TACC2: variants seen among roughly 807,000 people sequenced by gnomAD.
TACC2 encodes transforming acidic coiled-coil containing protein 2, also known as transforming acidic coiled-coil-containing protein 2.
In TACC2, 137 loss-of-function variants were observed where a neutral mutation model predicts 227.3. The observed-to-expected ratio is 0.60, with a 90% CI of 0.52 to 0.69. The LOEUF is 0.69. TACC2 is among the 30% of genes least tolerant of loss of function. The pLI is 0.00. For missense variants in TACC2, 3,470 were observed against 3,694.4 expected (o/e 0.94, Z 1.57); for synonymous variants, 1,523 against 1,487.5 (o/e 1.02, Z -0.55).
intron 5 of TACC2, among the ~76,000 whole-genome samples, chr10:122,120,041 C>T (rs997020105): frequency 1.3e-5 from 2 of 152,178 alleles, no homozygotes; most frequent in African/African-American, 4.8e-5. Context: ...TCCTTGGGCT[C>T]ATTAATCCCA....
chr10:122,242,835 C>T (rs1358263765), intron 19 of TACC2, among the ~76,000 whole-genome samples: 4 of 152,016 alleles, frequency 2.6e-5, no homozygotes, highest in Admixed American at 2.6e-4. Flanking sequence ...GGTCTTGCTA[C>T]GTTGCCCAGG....
intron 9 of TACC2, chr10:122,213,501 C>T: frequency 1.0e-6 from 1 of 972,596 alleles, no homozygotes; most frequent in Non-Finnish European, 1.6e-6. Flanking sequence ...TGTGGTGGGC[C>T]TGCGAATGAT....
intron 7 of TACC2, among the ~76,000 whole-genome samples, chr10:122,175,274 C>T (rs973774393): frequency 9.2e-5 from 14 of 152,130 alleles, no homozygotes; most frequent in African/African-American, 3.4e-4. Context: ...ATTTTAAATA[C>T]AGCATAATTC....
At chr10:122,025,319 G>A (rs948909136) in intron 2 of TACC2, among the ~76,000 whole-genome samples, 2 of 152,118 alleles carry the variant, frequency 1.3e-5, no homozygotes, top group Non-Finnish European at 2.9e-5. Flanking sequence ...GGAGTGCAAT[G>A]ACATGATCTT....
rs2079754561 is a variant in TACC2, at chr10:122,083,340, T to C, written c.840T>C (p.Asp280=). ...PLKPMAPIPQ[D]PAPRASDRER... is the part of the protein sequence containing the mutation. The stretch of plus-strand genomic sequence containing the variant: ...AACCCATGGCCCCGATCCCACAAGA[T>C]CCAGCCCCAAGAGCCTCAGACAGAG... Residue 280 remains aspartate (D), a synonymous_variant, in exon 4 of 23, where the codon GAT becomes GAC. Transcript: ENST00000369005. 6.2e-7 allele frequency: 1 copy of C among 1,613,810 alleles called. No individual in the cohort carries two copies. Among genetic ancestry groups the C allele is most frequent in the Non-Finnish European group, 8.5e-7 (1 of 1,180,002 alleles).
chr10:122,135,172 G>A (rs924033532), intron 6 of TACC2, among the ~76,000 whole-genome samples: 10 of 152,190 alleles, frequency 6.6e-5, no homozygotes, highest in African/African-American at 1.9e-4. Flanking sequence ...CAGCAGCTCT[G>A]GCCCGGCTGC....
chr10:122,053,576 A>G (rs924236943), intron 3 of TACC2, among the ~76,000 whole-genome samples: 11 of 151,986 alleles, frequency 7.2e-5, no homozygotes, highest in Non-Finnish European at 1.2e-4. Context: ...CCTCAGGCTG[A>G]GGGACTGTGC....
At chr10:122,189,828 G>A (rs1490435294) in intron 7 of TACC2, among the ~76,000 whole-genome samples, 2 of 152,220 alleles carry the variant, frequency 1.3e-5, no homozygotes, top group African/African-American at 4.8e-5. Context: ...GGTAGGCCTG[G>A]TTCTATGGAA....
In TACC2 at chr10:122,082,902, G is replaced by T. The variant is rs747863916; in HGVS notation, c.402G>T (p.Gln134His). ...CAGCGGCACCTGAAGATGGTCCTCA[G>T]ACTCAGTCTCCCAGGAGGGAACCTG... ...SPAAAPEDGP[Q>H]TQSPRREPAP... Residue 134 changes from glutamine (Q) to histidine (H), a missense_variant, in exon 4 of 23, where the codon CAG (glutamine) becomes CAT (histidine). Physicochemically the swap from Gln to His is conservative, Grantham distance 24 (BLOSUM62 0). Transcript: ENST00000369005. 3 of 1,613,170 alleles carry T rather than the reference G, an allele frequency of 1.9e-6. No homozygotes were observed. Among genetic ancestry groups the T allele is most frequent in the Middle Eastern group, 1.6e-4 (1 of 6,084 alleles).
intron 8 of TACC2, among the ~76,000 whole-genome samples, chr10:122,201,312 GC>G (rs759402965): frequency 2.7e-5 from 4 of 148,050 alleles, no homozygotes; most frequent in Non-Finnish European, 4.5e-5. Context: ...CACCTCACCT[GC>G]CCACAGTGGC....
At chr10:122,093,500 T>A (rs1444576364) in intron 5 of TACC2, among the ~76,000 whole-genome samples, 1 of 152,238 alleles carries the variant, frequency 6.6e-6, no homozygotes, top group Non-Finnish European at 1.5e-5. Context: ...GAAGCATGGT[T>A]CTCTTAGCAG....
At chr10:122,017,818 C>CAAAAAAAAAAA (rs5788525) in intron 1 of TACC2, among the ~76,000 whole-genome samples, 3 of 74,946 alleles carry the variant, frequency 4.0e-5, no homozygotes, top group African/African-American at 5.0e-5. Context: ...GAAACTGTCT[C>CAAAAAAAAAAA]AAAAAAAAAA....
At chr10:122,166,550 G>C (rs903786784) in intron 7 of TACC2, among the ~76,000 whole-genome samples, 3 of 152,162 alleles carry the variant, frequency 2.0e-5, no homozygotes, top group African/African-American at 7.2e-5. Context: ...GCTACTCCCA[G>C]GGTCGGCCAC....
At chr10:122,032,972 A>AC (rs1554970179) in intron 2 of TACC2, 1 of 460,902 alleles carries the variant, frequency 2.2e-6, no homozygotes, top group Non-Finnish European at 3.8e-6. Flanking sequence ...CAAAACAACA[A>AC]AACAACAACA....
intron 2 of TACC2, among the ~76,000 whole-genome samples, chr10:122,039,169 T>G (rs2073949971): frequency 6.6e-6 from 1 of 152,028 alleles, no homozygotes; most frequent in African/African-American, 2.4e-5. Flanking sequence ...AGAGATGGGG[T>G]TTCACCATGT....
intron 7 of TACC2, chr10:122,163,506 C>T (rs1171444958): frequency 2.1e-6 from 2 of 946,556 alleles, no homozygotes; most frequent in African/African-American, 1.8e-5. Flanking sequence ...GTTTCCGGAG[C>T]CCGCGATGGA....
rs546027862 is a variant in TACC2 at position 122,207,693 on chromosome 10, A to G, written c.5972-2704A>G. Among the ~76,000 whole-genome samples the G allele has an allele frequency of 2.0e-5, 3 of 152,348 alleles. 1 individual carries two copies. The highest frequency in any genetic ancestry group is 4.1e-4 in the South Asian group (2 of 4,828). On this transcript the variant is annotated intron_variant, in intron 8 of 22. Transcript: ENST00000369005. Reference sequence around the variant, plus strand: ...GAGCTAATGAGAGCATGTCAGTTCTAAAGAGGAAAGCCATGCTAAGCAGGC... The same window carrying G: ...GAGCTAATGAGAGCATGTCAGTTCTGAAGAGGAAAGCCATGCTAAGCAGGC...
At chr10:122,192,552 C>T in intron 7 of TACC2, 1 of 391,186 alleles carries the variant, frequency 2.6e-6, no homozygotes, top group Non-Finnish European at 5.3e-6. Flanking sequence ...TGGAGAAGCT[C>T]ACAGCATCTG....
chr10:122,131,909 C>T (rs975796831), intron 5 of TACC2, among the ~76,000 whole-genome samples: 3 of 152,046 alleles, frequency 2.0e-5, no homozygotes, highest in Non-Finnish European at 4.4e-5. Flanking sequence ...ATAATTCCAG[C>T]CACTCGGGTG....
Sources: allele counts gnomAD v4.1 joint callset (sites outside exome capture counted in the v4.1 genomes callset), GRCh38; gene constraint gnomAD v4.1.1; transcripts MANE v1.5; gene names NCBI Gene and HGNC (gene_info 2026-07-23, HGNC 2026-07-21).